The following PRICKLE2 variants were observed in gnomAD, a reference collection of about 807,000 sequenced individuals.
The protein encoded by PRICKLE2 is prickle planar cell polarity protein 2.
A neutral mutation model predicts 81.4 loss-of-function variants in PRICKLE2; 21 were observed. The ratio of observed to expected loss-of-function variants is 0.26; its 90% confidence interval spans 0.18 to 0.37. PRICKLE2 has a LOEUF of 0.37. Ranked by LOEUF, PRICKLE2 falls within the 10% of genes least tolerant of loss-of-function variation. The pLI is 1.00. For synonymous variants in PRICKLE2, 456 were observed against 421.5 expected, an observed-to-expected ratio of 1.08 and a Z score of -1.00; for missense variants, 940 against 1,109.0, an observed-to-expected ratio of 0.85 and a Z score of 2.16.
At chr3:64,239,952 CAAAAAAAAAAAAAAA>C (rs57932723) in intron 2 of PRICKLE2, among the ~76,000 whole-genome samples, 4 of 32,240 alleles carry the variant, frequency 1.2e-4, no homozygotes, top group African/African-American at 2.3e-4. Context: ...CCATCGCTAC[CAAAAAAAAAAAAAAA>C]AAAAAAAAAA....
intron 2 of PRICKLE2, among the ~76,000 whole-genome samples, chr3:64,252,041 T>A (rs2079453982): frequency 1.3e-5 from 2 of 152,124 alleles, no homozygotes; most frequent in Admixed American, 1.3e-4. Flanking sequence ...AATTCACATT[T>A]TAATGGAACA....
At chr3:64,164,964 G>A (rs2077803793) in intron 2 of PRICKLE2, among the ~76,000 whole-genome samples, 1 of 152,174 alleles carries the variant, frequency 6.6e-6, no homozygotes, top group African/African-American at 2.4e-5. Flanking sequence ...CCAGTCTCAT[G>A]TCTTGGGGAA....
At chr3:64,105,792 C>G (rs1278280388) in intron 7 of PRICKLE2, 1 of 152,242 alleles carries the variant, frequency 6.6e-6, no homozygotes, top group Non-Finnish European at 1.5e-5. Context: ...CTCCTTTCCC[C>G]TCTAACTACG....
At chr3:64,233,083 C>T (rs867206091) in intron 2 of PRICKLE2, among the ~76,000 whole-genome samples, 66 of 152,198 alleles carry the variant, frequency 4.3e-4, no homozygotes, top group Admixed American at 1.2e-3. Flanking sequence ...TACATTTACA[C>T]TCTGGTCCTT....
At chr3:64,122,335 C>T (rs751575426) in intron 7 of PRICKLE2, among the ~76,000 whole-genome samples, 1 of 152,156 alleles carries the variant, frequency 6.6e-6, no homozygotes, top group Non-Finnish European at 1.5e-5. Flanking sequence ...AAATTCATAA[C>T]CCAACAGCCA....
intron 1 of PRICKLE2, among the ~76,000 whole-genome samples, chr3:64,215,620 C>T (rs2078859623): frequency 6.6e-6 from 1 of 152,046 alleles, no homozygotes; most frequent in South Asian, 2.1e-4. Flanking sequence ...TTTACAATAA[C>T]TGAAAATGTA....
intron 2 of PRICKLE2, among the ~76,000 whole-genome samples, chr3:64,192,967 G>A (rs1271491438): frequency 2.0e-5 from 3 of 152,138 alleles, no homozygotes; most frequent in Admixed American, 6.5e-5. Context: ...CAGCAAGGAC[G>A]AGAACTAATA....
intron 2 of PRICKLE2, among the ~76,000 whole-genome samples, chr3:64,259,574 T>G (rs2079586002): frequency 6.6e-6 from 1 of 152,112 alleles, no homozygotes. Flanking sequence ...AACCTGAAAA[T>G]CATAACATAT....
Position 64,099,650 on chromosome 3 carries a change from C to G in PRICKLE2, c.1936G>C (p.Asp646His). The G allele has an allele frequency of 1.2e-6, 2 of 1,614,182 alleles. No individual in the cohort carries two copies. The highest frequency in any genetic ancestry group is 1.7e-6 in the Non-Finnish European group (2 of 1,180,032). ...HGRMHQSFDF[D>H]GGMAGSKLPG... is the part of the protein sequence containing the mutation. ...AGCTTGCTGCCCGCCATCCCTCCAT[C>G]AAAATCAAAGCTCTGATGCATCCTT... Residue 646 changes from aspartate (D) to histidine (H), a missense_variant, in exon 8 of 8, where the codon GAT becomes CAT. Coordinates refer to ENST00000638394, the MANE Select transcript of PRICKLE2 (RefSeq NM_198859.4). This position sits in a 1 kb window ranked among gnomAD's most constrained non-coding sequence, Gnocchi z 4.3.
intron 3 of PRICKLE2, among the ~76,000 whole-genome samples, chr3:64,161,304 C>T (rs576568730): frequency 2.0e-5 from 3 of 152,170 alleles, no homozygotes; most frequent in South Asian, 2.1e-4. Context: ...TTGGGAAACA[C>T]GGTCCTAATC....
chr3:64,194,280 G>A (rs1484047403), intron 2 of PRICKLE2: 2 of 152,178 alleles, frequency 1.3e-5, no homozygotes, highest in Non-Finnish European at 2.9e-5. Context: ...ATATTACAAG[G>A]CAACAACTGT....
Position 64,109,382 on chromosome 3 carries a change from T to C in PRICKLE2, c.1661-9457A>G, listed in dbSNP as rs1262381880. ...AGCTTTTGAAATCCTGAGTTTTTGA[T>C]GTATCTCTTTTACTTCCTTACTCCA... On this transcript the variant is annotated intron_variant, in intron 7 of 7. Transcript: ENST00000638394. Among the ~76,000 whole-genome samples, 6 of 152,340 alleles carry C rather than the reference T, an allele frequency of 3.9e-5. No homozygotes were observed. The East Asian group carries it at 1.2e-3, about 29-fold the overall frequency.
chr3:64,132,701 C>G (rs539543509), intron 7 of PRICKLE2, among the ~76,000 whole-genome samples: 1 of 152,304 alleles, frequency 6.6e-6, no homozygotes, highest in East Asian at 1.9e-4. Context: ...CTTGATCAAA[C>G]TCTGGTATAG....
In PRICKLE2 at chr3:64,093,240, T is replaced by C. The variant is rs2076527747; in HGVS notation, c.*5811A>G. ...GCTGAATAATATTCCATTGTATGTA[T>C]ACACCACACCTTGTTTACACATTCA... On this transcript the variant is annotated 3_prime_UTR_variant, in exon 8 of 8. Coordinates refer to ENST00000638394, the MANE Select transcript of PRICKLE2 (RefSeq NM_198859.4). 1 of 153,512 alleles carries C rather than the reference T, an allele frequency of 6.5e-6. No individual in the cohort carries two copies. The highest frequency in any genetic ancestry group is 6.5e-5 in the Admixed American group (1 of 15,454). The allele number at this position is 153,512 out of a possible 1,614,324, so 9.5% of individuals were successfully genotyped here.
chr3:64,210,522 T>A (rs1461294808), intron 1 of PRICKLE2, among the ~76,000 whole-genome samples: 1 of 152,128 alleles, frequency 6.6e-6, no homozygotes, highest in Non-Finnish European at 1.5e-5. Flanking sequence ...TCCAACTCCC[T>A]CCCTTCCGGC....
At position 64,255,512 on chromosome 3, in the gene PRICKLE2, C is replaced by T. The variant is rs145612982; in HGVS notation, c.129-56545G>A. 9.0e-3 allele frequency among the ~76,000 whole-genome samples: 1,365 copies of T among 152,292 alleles called. 8 individuals carry two copies. Among genetic ancestry groups the T allele is most frequent in the Non-Finnish European group, 0.014 (938 of 68,036 alleles). Reference sequence around the variant, plus strand: ...CTAGCAGGATGCATATGGACCTCCTCACAGTGCTTGACGGCAGATGCAGGG... The same window carrying T: ...CTAGCAGGATGCATATGGACCTCCTTACAGTGCTTGACGGCAGATGCAGGG... On this transcript the variant is annotated intron_variant, in intron 2 of 8. Transcript: ENST00000295902.
At chr3:64,123,914 A>C (rs1015344933) in intron 7 of PRICKLE2, among the ~76,000 whole-genome samples, 1 of 152,156 alleles carries the variant, frequency 6.6e-6, no homozygotes, top group Non-Finnish European at 1.5e-5. Context: ...TAGGTGTTCA[A>C]GTGAAAGGAA....
chr3:64,224,909 C>T lies in PRICKLE2; in HGVS notation c.-41+1G>A, dbSNP rs1262460996. 4 of 985,174 alleles carry T rather than the reference C, an allele frequency of 4.1e-6. No individual in the cohort carries two copies. The South Asian group carries it at 1.4e-4, about 35-fold the overall frequency. The allele number at this position is 985,174 out of a possible 1,614,324, so 61.0% of individuals were successfully genotyped here. A position where few individuals can be genotyped will look rare whatever the true frequency, so the allele number is the denominator to read the frequency against. On this transcript the variant is annotated splice_donor_variant, in intron 1 of 7. Coordinates refer to ENST00000638394, the MANE Select transcript of PRICKLE2 (RefSeq NM_198859.4). LOFTEE classifies it low-confidence loss of function (5UTR_SPLICE). Reference sequence around the variant, plus strand: ...TGAATTAGAGCAAATTTCTTACCCACCTCCAGGGAGGATGAAATGCCCAGT... The same window carrying T: ...TGAATTAGAGCAAATTTCTTACCCATCTCCAGGGAGGATGAAATGCCCAGT...
chr3:64,138,610 T>C (rs1373178355), intron 7 of PRICKLE2, among the ~76,000 whole-genome samples: 2 of 152,214 alleles, frequency 1.3e-5, no homozygotes, highest in Non-Finnish European at 2.9e-5. Flanking sequence ...AAGTATGAAG[T>C]TACTTGATCA....
Sources: allele counts gnomAD v4.1 joint callset (sites outside exome capture counted in the v4.1 genomes callset), GRCh38; gene constraint gnomAD v4.1.1; non-coding constraint Gnocchi (gnomAD v3.1); transcripts MANE v1.5; gene names NCBI Gene and HGNC (gene_info 2026-07-23, HGNC 2026-07-21).